CADM2: variants seen among roughly 807,000 people sequenced by gnomAD.
The protein encoded by CADM2 is immunoglobulin superfamily member 4D.
In CADM2, 12 loss-of-function variants were observed where a neutral mutation model predicts 49.8. The observed-to-expected ratio is 0.24, with a 90% confidence interval of 0.15 to 0.39. CADM2 has a LOEUF of 0.39. CADM2 is among the 10% of genes least tolerant of loss of function. CADM2 has a pLI of 1.00. For missense variants in CADM2, 378 were observed against 492.3 expected, an observed-to-expected ratio of 0.77 and a Z score of 2.20; for synonymous variants, 214 against 175.4, an observed-to-expected ratio of 1.22 and a Z score of -1.74.
intron 1 of CADM2, among the ~76,000 whole-genome samples, chr3:85,538,560 A>G (rs17516857): frequency 1.3e-5 from 2 of 151,914 alleles, no homozygotes; most frequent in Non-Finnish European, 2.9e-5. Flanking sequence ...ATTACTGAGA[A>G]GTTTGAGATG....
intron 6 of CADM2, among the ~76,000 whole-genome samples, chr3:85,915,372 C>T (rs1718146182): frequency 6.6e-6 from 1 of 152,022 alleles, no homozygotes; most frequent in African/African-American, 2.4e-5. Context: ...AAATTATTTT[C>T]CTAGCATCTA....
At chr3:85,946,504 T>A (rs564528315) in intron 7 of CADM2, among the ~76,000 whole-genome samples, 3 of 152,180 alleles carry the variant, frequency 2.0e-5, no homozygotes, top group East Asian at 3.9e-4. Context: ...GGAGGCATCA[T>A]GCTACTTGAC....
intron 1 of CADM2, among the ~76,000 whole-genome samples, chr3:85,432,500 T>C (rs1200469678): frequency 1.3e-5 from 2 of 152,142 alleles, no homozygotes; most frequent in African/African-American, 4.8e-5. Flanking sequence ...TTGAATTTTA[T>C]TGTCATTTCC....
chr3:85,446,837 G>C (rs2037479899), intron 1 of CADM2, among the ~76,000 whole-genome samples: 1 of 149,734 alleles, frequency 6.7e-6, no homozygotes, highest in African/African-American at 2.4e-5. Context: ...CCTGAACTCA[G>C]GTGATCCTCC....
chr3:85,312,093 C>G (rs987116910), intron 1 of CADM2, among the ~76,000 whole-genome samples: 1 of 152,002 alleles, frequency 6.6e-6, no homozygotes, highest in African/African-American at 2.4e-5. Context: ...TATTATTTTA[C>G]TCATCCAAAG....
intron 3 of CADM2, among the ~76,000 whole-genome samples, chr3:85,817,143 G>A (rs2073259012): frequency 1.3e-5 from 2 of 152,150 alleles, no homozygotes; most frequent in Admixed American, 6.6e-5. Flanking sequence ...GTAGGAGGTA[G>A]CGTTATTTTA....
intron 1 of CADM2, among the ~76,000 whole-genome samples, chr3:85,320,063 A>C (rs1427245788): frequency 6.6e-6 from 1 of 152,228 alleles, no homozygotes; most frequent in Admixed American, 6.5e-5. Context: ...AAAATGATTA[A>C]TACAACAATT....
chr3:85,292,098 A>G (rs1266501216), intron 1 of CADM2, among the ~76,000 whole-genome samples: 1 of 149,396 alleles, frequency 6.7e-6, no homozygotes, highest in East Asian at 2.0e-4. Flanking sequence ...AGGAAGATCT[A>G]CCAAGCAAAT....
intron 3 of CADM2, among the ~76,000 whole-genome samples, chr3:85,814,867 G>A (rs1262772506): frequency 3.3e-5 from 5 of 151,430 alleles, no homozygotes; most frequent in Non-Finnish European, 7.4e-5. Flanking sequence ...CTATTCTATA[G>A]TATTCTATAG....
intron 1 of CADM2, among the ~76,000 whole-genome samples, chr3:85,505,756 A>G (rs2040322835): frequency 6.6e-6 from 1 of 152,208 alleles, no homozygotes; most frequent in African/African-American, 2.4e-5. Flanking sequence ...TTAATTGATC[A>G]AGAGTGTTGT....
intron 1 of CADM2, among the ~76,000 whole-genome samples, chr3:85,639,307 A>G (rs180775213): frequency 6.4e-4 from 97 of 152,328 alleles, no homozygotes; most frequent in African/African-American, 2.2e-3. Flanking sequence ...ATAGTTTACA[A>G]TCATCAGAAA....
intron 1 of CADM2, among the ~76,000 whole-genome samples, chr3:85,623,107 A>G (rs1235681235): frequency 6.6e-6 from 1 of 152,134 alleles, no homozygotes; most frequent in East Asian, 1.9e-4. Context: ...AAGCCATAAC[A>G]TGGGCTGGAA....
chr3:85,547,187 G>C (rs1297903124), intron 1 of CADM2, among the ~76,000 whole-genome samples: 1 of 151,780 alleles, frequency 6.6e-6, no homozygotes, highest in East Asian at 1.9e-4. Context: ...CATTTTTTCA[G>C]GCTGGTGATA....
chr3:85,254,742 CA>C (rs1576219640), intron 1 of CADM2, among the ~76,000 whole-genome samples: 1 of 152,136 alleles, frequency 6.6e-6, no homozygotes, highest in East Asian at 1.9e-4. Flanking sequence ...CATGAAAAGG[CA>C]AGAGGAGGAA....
intron 1 of CADM2, among the ~76,000 whole-genome samples, chr3:85,068,918 A>T (rs1049305561): frequency 2.6e-5 from 4 of 152,102 alleles, no homozygotes; most frequent in African/African-American, 9.7e-5. Context: ...TGTAAGCTGG[A>T]CTGAAGCCAG....
chr3:85,819,578 T>C lies in CADM2; in HGVS notation c.238+17382T>C, dbSNP rs539822927. 5.9e-5 allele frequency among the ~76,000 whole-genome samples: 9 copies of C among 152,288 alleles called. No individual in the cohort carries two copies. In the South Asian group the frequency reaches 1.9e-3, roughly 32 times the overall value. On this transcript the variant is annotated intron_variant, in intron 3 of 9. Transcript: ENST00000383699. ...ATTATTAAAAGATCTTAAAGCTCCC[T>C]ACCATCCATTTATGGTAGAGAAGGT...
At chr3:85,968,031 T>C (rs1725676961) in intron 8 of CADM2, among the ~76,000 whole-genome samples, 3 of 151,352 alleles carry the variant, frequency 2.0e-5, no homozygotes, top group Non-Finnish European at 4.4e-5. Flanking sequence ...AAATATACAG[T>C]GGAGGGAAAA....
chr3:85,107,274 T>C (rs9846802), intron 1 of CADM2, among the ~76,000 whole-genome samples: 56,066 of 152,070 alleles, frequency 0.37, 13,479 homozygotes, highest in Non-Finnish European at 0.54. Flanking sequence ...TATATGGATA[T>C]TTCATAAGTT....
At chr3:85,912,285 G>A (rs780915974) in intron 5 of CADM2, 88 bp from the exon 6 acceptor site, 457 of 876,876 alleles carry the variant, frequency 5.2e-4, no homozygotes, top group Non-Finnish European at 7.1e-4. Flanking sequence ...GATAAAAATA[G>A]GGAGAAGCTG....
Sources: allele counts gnomAD v4.1 joint callset (sites outside exome capture counted in the v4.1 genomes callset), GRCh38; gene constraint gnomAD v4.1.1; transcripts MANE v1.5; gene names NCBI Gene and HGNC (gene_info 2026-07-23, HGNC 2026-07-21).